GABRG3: variants seen among roughly 807,000 people sequenced by gnomAD.
GABRG3 encodes the protein gamma-aminobutyric acid type A receptor subunit gamma3, also known as gamma-aminobutyric acid receptor subunit gamma-3.
GABRG3 carries 25 observed loss-of-function variants against 48.8 expected under a neutral mutation model. That is an observed-to-expected ratio of 0.51 (90% CI 0.37 to 0.72). The LOEUF is 0.72. GABRG3 is among the 30% of genes least tolerant of loss of function. GABRG3 has a pLI of 0.00. For synonymous variants in GABRG3, 227 were observed against 217.6 expected (o/e 1.04, Z -0.38); for missense variants, 394 against 577.9 (o/e 0.68, Z 3.26).
intron 3 of GABRG3, among the ~76,000 whole-genome samples, chr15:27,107,685 C>G (rs911532676): frequency 1.3e-5 from 2 of 151,780 alleles, no homozygotes; most frequent in Admixed American, 1.3e-4. Flanking sequence ...GTTTTTTTCT[C>G]TATGGATGGC....
At position 27,538,630 on chromosome 15, in the gene GABRG3, C is replaced by T. The variant is rs370669602; in HGVS notation, c.*5749C>T. 7 of 152,120 alleles carry T rather than the reference C, an allele frequency of 4.6e-5. No homozygotes were observed. In the South Asian group the frequency reaches 6.2e-4, roughly 13 times the overall value. The allele number at this position is 152,120 out of a possible 1,614,324, so 9.4% of individuals were successfully genotyped here. ...GGGAAGCCAGAGCCTCTATGTCTGC[C>T]GAACAGTTTAAATTGAACAGGTTGG... On this transcript the variant is annotated 3_prime_UTR_variant, in exon 10 of 10. Coordinates refer to ENST00000615808, the MANE Select transcript of GABRG3 (RefSeq NM_033223.5).
intron 5 of GABRG3, among the ~76,000 whole-genome samples, chr15:27,349,300 A>T (rs1357941058): frequency 6.6e-6 from 1 of 152,206 alleles, no homozygotes; most frequent in African/African-American, 2.4e-5. Context: ...AGAAGAACAC[A>T]TAAAATATTC....
At chr15:27,427,390 T>C (rs1244155765) in intron 5 of GABRG3, among the ~76,000 whole-genome samples, 1 of 152,200 alleles carries the variant, frequency 6.6e-6, no homozygotes, top group Non-Finnish European at 1.5e-5. Flanking sequence ...TTAGAAAGTC[T>C]GTGTTCAGGT....
chr15:27,297,417 C>T (rs952001748), intron 3 of GABRG3, among the ~76,000 whole-genome samples: 4 of 152,110 alleles, frequency 2.6e-5, no homozygotes, highest in African/African-American at 9.7e-5. Context: ...CTGCAAGCAC[C>T]ATTTGTGGTA....
At chr15:27,083,023 G>C (rs2140746326) in intron 3 of GABRG3, among the ~76,000 whole-genome samples, 1 of 152,314 alleles carries the variant, frequency 6.6e-6, no homozygotes, top group Non-Finnish European at 1.5e-5. Flanking sequence ...TGTCTGTGTA[G>C]TGCAGCTTGT....
At chr15:27,467,197 C>T (rs1230680769) in intron 5 of GABRG3, among the ~76,000 whole-genome samples, 8 of 152,062 alleles carry the variant, frequency 5.3e-5, no homozygotes, top group Admixed American at 2.6e-4. Flanking sequence ...GGTCCTCACA[C>T]GGAGGGAGAA....
chr15:27,265,113 C>G (rs1283596397), intron 3 of GABRG3, among the ~76,000 whole-genome samples: 1 of 152,050 alleles, frequency 6.6e-6, no homozygotes, highest in East Asian at 1.9e-4. Flanking sequence ...CAAAGTTAAA[C>G]CTCTACAAAA....
At chr15:27,381,300 T>A (rs1437045263) in intron 5 of GABRG3, among the ~76,000 whole-genome samples, 1 of 152,222 alleles carries the variant, frequency 6.6e-6, no homozygotes, top group Non-Finnish European at 1.5e-5. Context: ...AACAGAATGC[T>A]CTCGGCATAT....
At chr15:26,991,989 G>A (rs1289849329) in intron 2 of GABRG3, among the ~76,000 whole-genome samples, 6 of 152,104 alleles carry the variant, frequency 3.9e-5, no homozygotes, top group Non-Finnish European at 8.8e-5. Flanking sequence ...CAAAGTGCTG[G>A]GATTAAGGCA....
At chr15:27,225,872 A>G (rs1276108806) in intron 3 of GABRG3, among the ~76,000 whole-genome samples, 3 of 152,050 alleles carry the variant, frequency 2.0e-5, no homozygotes, top group Admixed American at 2.0e-4. Context: ...CAGACTCCAC[A>G]TGGCCGGAGC....
At chr15:26,977,279 A>G (rs1894969519) in intron 2 of GABRG3, 129 bp downstream of exon 2, 1 of 921,188 alleles carries the variant, frequency 1.1e-6, no homozygotes. Flanking sequence ...TACTTGTCAC[A>G]CAATAGATAA....
At chr15:27,093,079 G>T (rs2140757458) in intron 3 of GABRG3, among the ~76,000 whole-genome samples, 1 of 152,192 alleles carries the variant, frequency 6.6e-6, no homozygotes, top group South Asian at 2.1e-4. Context: ...TGAGAGAGAG[G>T]ATCTCCTCTA....
intron 3 of GABRG3, among the ~76,000 whole-genome samples, chr15:27,175,911 G>T (rs1887729208): frequency 6.6e-6 from 1 of 152,068 alleles, no homozygotes; most frequent in African/African-American, 2.4e-5. Context: ...GGCCTGGGCA[G>T]CAGGCCTGGG....
intron 3 of GABRG3, among the ~76,000 whole-genome samples, chr15:27,297,086 A>G (rs1215078080): frequency 6.6e-6 from 1 of 152,124 alleles, no homozygotes; most frequent in Non-Finnish European, 1.5e-5. Flanking sequence ...AAAAGGTAAA[A>G]AAGATTTAAA....
chr15:27,463,988 C>G (rs546504780), intron 5 of GABRG3, among the ~76,000 whole-genome samples: 1 of 152,212 alleles, frequency 6.6e-6, no homozygotes, highest in East Asian at 1.9e-4. Context: ...AGTGAGAAAA[C>G]GAGCTGGTGT....
At position 27,180,102 on chromosome 15, in the gene GABRG3, G is replaced by C. The variant is rs208128; in HGVS notation, c.271-146707G>C. On this transcript the variant is annotated intron_variant, in intron 3 of 9. Coordinates refer to ENST00000615808, the MANE Select transcript of GABRG3 (RefSeq NM_033223.5). This position sits in a 1 kb window ranked among gnomAD's most constrained non-coding sequence, Gnocchi z 4.2. ...CCTTCCCCAGGAGACTGTGGGGCTCGTTGCACTTGTTTTACCAATCACAGA... is the reference window on the plus strand; with the variant it reads ...CCTTCCCCAGGAGACTGTGGGGCTCCTTGCACTTGTTTTACCAATCACAGA... Among the ~76,000 whole-genome samples, 1 of 151,968 alleles carries C rather than the reference G, an allele frequency of 6.6e-6. No individual in the cohort carries two copies. The highest frequency in any genetic ancestry group is 2.1e-4 in the South Asian group (1 of 4,826).
chr15:27,443,148 A>G (rs1888840868), intron 5 of GABRG3, among the ~76,000 whole-genome samples: 2 of 152,228 alleles, frequency 1.3e-5, no homozygotes, highest in South Asian at 4.1e-4. Context: ...TAATCCAATA[A>G]AACTGGTGTC....
chr15:27,424,108 G>T (rs1888215225), intron 5 of GABRG3, among the ~76,000 whole-genome samples: 1 of 152,012 alleles, frequency 6.6e-6, no homozygotes, highest in Non-Finnish European at 1.5e-5. Context: ...CTAAACTCTT[G>T]GAATGTCCTG....
chr15:27,004,108 G>A (rs1303044059), intron 2 of GABRG3, among the ~76,000 whole-genome samples: 19 of 150,126 alleles, frequency 1.3e-4, no homozygotes, highest in Admixed American at 2.0e-4. Context: ...CGGACGGGGC[G>A]GCTGGCCGGG....
Sources: allele counts gnomAD v4.1 joint callset (sites outside exome capture counted in the v4.1 genomes callset), GRCh38; gene constraint gnomAD v4.1.1; non-coding constraint Gnocchi (gnomAD v3.1); transcripts MANE v1.5; gene names NCBI Gene and HGNC (gene_info 2026-07-23, HGNC 2026-07-21).